NHSL1: variants seen among roughly 807,000 people sequenced by gnomAD.
NHSL1 encodes the protein NHS like 1.
In NHSL1, 48 loss-of-function variants were observed where a neutral mutation model predicts 95.0. The observed-to-expected ratio is 0.51, with a 90% CI of 0.40 to 0.64. The LOEUF is 0.64. Among genes scored for constraint, NHSL1 ranks in the 30% least tolerant of loss-of-function variants. NHSL1 has a pLI of 0.00. For missense variants in NHSL1, 1,971 were observed against 2,077.7 expected (o/e 0.95, Z 1.00); for synonymous variants, 783 against 833.9 (o/e 0.94, Z 1.05).
At chr6:138,631,875 T>A (rs988317035) in intron 1 of NHSL1, among the ~76,000 whole-genome samples, 9 of 152,090 alleles carry the variant, frequency 5.9e-5, no homozygotes, top group African/African-American at 1.9e-4. Flanking sequence ...GCATCTCAGG[T>A]GCCATCTCAG....
intron 1 of NHSL1, among the ~76,000 whole-genome samples, chr6:138,673,464 A>AC: frequency 6.6e-6 from 1 of 152,092 alleles, no homozygotes; most frequent in Admixed American, 6.5e-5. Context: ...AGCTACAAAA[A>AC]AAAAAACAAA....
chr6:138,526,284 G>C (rs1486415981), intron 1 of NHSL1, among the ~76,000 whole-genome samples: 1 of 151,852 alleles, frequency 6.6e-6, no homozygotes, highest in Non-Finnish European at 1.5e-5. Flanking sequence ...GGAGTTCGGA[G>C]CCAGCCTGGG....
chr6:138,588,289 C>A (rs1784171431), intron 1 of NHSL1, among the ~76,000 whole-genome samples: 1 of 152,108 alleles, frequency 6.6e-6, no homozygotes, highest in South Asian at 2.1e-4. Context: ...ATGGTGAAAC[C>A]CCGCCTCTAC....
chr6:138,564,579 C>A (rs148684405), intron 1 of NHSL1, among the ~76,000 whole-genome samples: 2 of 151,816 alleles, frequency 1.3e-5, no homozygotes, highest in African/African-American at 4.8e-5. Flanking sequence ...CACAAAGCAC[C>A]ATTTAATCGA....
chr6:138,601,564 A>G (rs1277644412), intron 1 of NHSL1, among the ~76,000 whole-genome samples: 1 of 152,174 alleles, frequency 6.6e-6, no homozygotes, highest in Non-Finnish European at 1.5e-5. Context: ...CTGCAATCCC[A>G]GCACTCTCGG....
chr6:138,545,305 T>C (rs546603802), intron 1 of NHSL1, among the ~76,000 whole-genome samples: 1 of 152,296 alleles, frequency 6.6e-6, no homozygotes, highest in Non-Finnish European at 1.5e-5. Context: ...CTGTAAACTA[T>C]TCCTATATTT....
At chr6:138,674,840 T>C (rs111822755) in intron 1 of NHSL1, among the ~76,000 whole-genome samples, 12 of 152,218 alleles carry the variant, frequency 7.9e-5, no homozygotes, top group African/African-American at 2.2e-4. Flanking sequence ...TACCCAGTAA[T>C]AGGATTGCTG....
chr6:138,602,100 T>C (rs750524765), intron 1 of NHSL1, among the ~76,000 whole-genome samples: 5 of 152,202 alleles, frequency 3.3e-5, no homozygotes, highest in Non-Finnish European at 5.9e-5. Flanking sequence ...TTAAGCTTGT[T>C]ATTTTGATAT....
intron 1 of NHSL1, chr6:138,650,658 A>C: frequency 1.8e-6 from 1 of 563,034 alleles, no homozygotes; most frequent in African/African-American, 1.9e-5. Flanking sequence ...CCATCCCACA[A>C]ACTGGACCAT....
At chr6:138,650,573 T>G in intron 1 of NHSL1, 1 of 590,168 alleles carries the variant, frequency 1.7e-6, no homozygotes, top group South Asian at 1.4e-5. Flanking sequence ...GAGGGATTAA[T>G]CCAACAAATT....
intron 1 of NHSL1, among the ~76,000 whole-genome samples, chr6:138,678,278 A>C (rs1785472844): frequency 6.6e-6 from 1 of 152,212 alleles, no homozygotes; most frequent in Non-Finnish European, 1.5e-5. Flanking sequence ...CTGATCATGA[A>C]TGTCTGGCAA....
At position 138,494,321 on chromosome 6, in the gene NHSL1, G is replaced by A. The variant is rs192185788; in HGVS notation, c.211+1898C>T. On this transcript the variant is annotated intron_variant, in intron 2 of 7. Transcript: ENST00000343505. ...AATAAATAAATCATTGTTAAAGGCAGTATAGTGTAGCAGTTAAGAATATGA... is the reference window on the plus strand; with the variant it reads ...AATAAATAAATCATTGTTAAAGGCAATATAGTGTAGCAGTTAAGAATATGA... Among the ~76,000 whole-genome samples the A allele has an allele frequency of 4.7e-4, 72 of 152,320 alleles. No individual in the cohort carries two copies. In the East Asian group the frequency reaches 0.013, roughly 27 times the overall value.
At chr6:138,446,321 G>C (rs1776863558) in intron 4 of NHSL1, among the ~76,000 whole-genome samples, 1 of 152,172 alleles carries the variant, frequency 6.6e-6, no homozygotes, top group African/African-American at 2.4e-5. Flanking sequence ...ACAGGTGTGA[G>C]CCACCACGCC....
At chr6:138,648,953 A>T (rs914476443) in intron 1 of NHSL1, among the ~76,000 whole-genome samples, 3 of 152,218 alleles carry the variant, frequency 2.0e-5, no homozygotes, top group African/African-American at 7.2e-5. Flanking sequence ...ATAAAAATGT[A>T]GTCCTTCATA....
At chr6:138,601,222 C>T (rs967118743) in intron 1 of NHSL1, among the ~76,000 whole-genome samples, 1 of 152,182 alleles carries the variant, frequency 6.6e-6, no homozygotes, top group African/African-American at 2.4e-5. Flanking sequence ...CCTGGCCTGA[C>T]TTTATTTAAA....
upstream of NHSL1, among the ~76,000 whole-genome samples, chr6:138,549,482 C>T (rs984180864): frequency 6.6e-6 from 1 of 152,148 alleles, no homozygotes; most frequent in African/African-American, 2.4e-5. Context: ...ATAAGGAACA[C>T]CTGGAACCAG....
At chr6:138,686,046 T>C (rs977147229) in intron 1 of NHSL1, among the ~76,000 whole-genome samples, 1 of 152,118 alleles carries the variant, frequency 6.6e-6, no homozygotes, top group Non-Finnish European at 1.5e-5. Flanking sequence ...ATTGGAGAGA[T>C]ATTGGTCAAA....
chr6:138,591,474 T>A (rs1044714939), intron 1 of NHSL1, among the ~76,000 whole-genome samples: 1 of 152,146 alleles, frequency 6.6e-6, no homozygotes, highest in Non-Finnish European at 1.5e-5. Flanking sequence ...AGTGCAGTGG[T>A]GTGTTGATCA....
At chr6:138,645,900 G>A (rs1785014548) in intron 1 of NHSL1, among the ~76,000 whole-genome samples, 1 of 152,102 alleles carries the variant, frequency 6.6e-6, no homozygotes, top group Admixed American at 6.6e-5. Flanking sequence ...AAAGGTGTCT[G>A]GCAGAAAATA....
Sources: allele counts gnomAD v4.1 joint callset (sites outside exome capture counted in the v4.1 genomes callset), GRCh38; gene constraint gnomAD v4.1.1; transcripts MANE v1.5; gene names NCBI Gene and HGNC (gene_info 2026-07-23, HGNC 2026-07-21).